The following SAMD11 variants were observed in gnomAD, a reference collection of about 807,000 sequenced individuals.
SAMD11 encodes the protein sterile alpha motif domain containing 11, also known as sterile alpha motif domain-containing protein 11.
A neutral mutation model predicts 64.4 loss-of-function variants in SAMD11; 77 were observed. The observed-to-expected ratio is 1.20, with a 90% confidence interval of 0.99 to 1.44. SAMD11 has a LOEUF of 1.44. SAMD11 is among the 40% of genes most tolerant of loss of function. The pLI, the probability that SAMD11 is intolerant of heterozygous loss-of-function variation, is 0.00. For synonymous variants in SAMD11, 658 were observed against 421.9 expected, an observed-to-expected ratio of 1.56 and a Z score of -6.86; for missense variants, 1,402 against 943.3, an observed-to-expected ratio of 1.49 and a Z score of -6.37.
At chr1:943,517 G>A in intron 12 of SAMD11, 140 bp downstream of exon 12, 1 of 910,092 alleles carries the variant, frequency 1.1e-6, no homozygotes. Flanking sequence ...ACTGGACTGT[G>A]CACCCCACCT....
rs1046928287 is a variant in SAMD11, at chr1:941,016, C to T, written c.1196-128C>T. The T allele has an allele frequency of 1.9e-5, 15 of 809,176 alleles. No homozygotes were observed. The Admixed American group carries it at 2.1e-4, about 11-fold the overall frequency. The allele number at this position is 809,176 out of a possible 1,614,324, so 50.1% of individuals were successfully genotyped here. On this transcript the variant is annotated intron_variant, in intron 7 of 13. Transcript: ENST00000616016. The stretch of plus-strand genomic sequence containing the variant: ...CATCCTCCTGCCCCGTGCCCGAGAC[C>T]AGCCCAGGGGCCGAGCACGGCCGAG...
In SAMD11 at chr1:943,069, C is replaced by T. The variant is rs1322070717; in HGVS notation, c.2053+11C>T. ...CCTACTTCCACACAGGTGGGCACCC[C>T]CACACTCTAGATCCTTCCAGAGGGC... is the stretch of plus-strand genomic sequence containing the variant. On this transcript the variant is annotated intron_variant, in intron 11 of 13. Coordinates refer to ENST00000616016, the MANE Select transcript of SAMD11 (RefSeq NM_001385641.1). 1.3e-6 allele frequency: 2 copies of T among 1,537,794 alleles called. No individual in the cohort carries two copies. Among genetic ancestry groups the T allele is most frequent in the South Asian group, 2.5e-5 (2 of 78,838 alleles).
chr1:943,247 A>G lies in SAMD11; in HGVS notation c.2054-6A>G, dbSNP rs1641919129. ...CAGAGCCCTAGTAACACGCCCCACA[A>G]CTCAGGCGCGGTAGGGGGACTCTCC... On this transcript the variant is annotated splice_region_variant and splice_polypyrimidine_tract_variant and intron_variant, in intron 11 of 13. Coordinates refer to ENST00000616016, the MANE Select transcript of SAMD11 (RefSeq NM_001385641.1). The G allele has an allele frequency of 6.2e-7, 1 of 1,612,640 alleles. No homozygotes were observed. The highest frequency in any genetic ancestry group is 8.5e-7 in the Non-Finnish European group (1 of 1,179,780).
At chr1:929,264 G>A (rs563705228) in intron 2 of SAMD11, among the ~76,000 whole-genome samples, 26 of 152,348 alleles carry the variant, frequency 1.7e-4, no homozygotes, top group African/African-American at 5.5e-4. Context: ...CACAGCGGGC[G>A]TGTCTGTGCT....
rs148469698 is a variant in SAMD11, at chr1:939,124, C to G, written c.1052C>G (p.Pro351Arg). 1.3e-6 allele frequency: 2 copies of G among 1,591,290 alleles called. No individual in the cohort carries two copies. Among genetic ancestry groups the G allele is most frequent in the Non-Finnish European group, 1.7e-6 (2 of 1,168,760 alleles). ...FSEKRARSES[P>R]QEALLLPREL... The stretch of plus-strand genomic sequence containing the variant: ...GAGAAGAGGGCACGAAGCGAATCGC[C>G]TCAAGGTAAGAGCGTGGCTGGGACG... Residue 351 changes from proline (P) to arginine (R), a missense_variant, in exon 6 of 14, where the codon CCT (proline) becomes CGT (arginine). By Grantham distance (103) the Pro-to-Arg change is moderately radical. Coordinates refer to ENST00000616016, the MANE Select transcript of SAMD11 (RefSeq NM_001385641.1).
chr1:938,880 C>T lies in SAMD11; in HGVS notation c.968-160C>T, dbSNP rs527838939. On this transcript the variant is annotated intron_variant, in intron 5 of 13. Transcript: ENST00000616016. ...CCACAGCCAGGCGTGATGTCCTCTG[C>T]GCTGAAGGCTGGGGCTGCCAGGGCT... Among the ~76,000 whole-genome samples the T allele has an allele frequency of 1.7e-3, 263 of 152,250 alleles. 2 individuals are homozygous for T. Among genetic ancestry groups the T allele is most frequent in the Middle Eastern group, 0.01 (3 of 294 alleles).
intron 4 of SAMD11, 33 bp downstream of exon 4, chr1:931,122 G>T (rs74359211): frequency 4.4e-6 from 7 of 1,600,356 alleles, no homozygotes; most frequent in Non-Finnish European, 5.1e-6. Flanking sequence ...ATAAGAGGGG[G>T]CCGTGACTCC....
At chr1:937,672 G>A (rs1408573701) in intron 5 of SAMD11, among the ~76,000 whole-genome samples, 2 of 152,182 alleles carry the variant, frequency 1.3e-5, no homozygotes, top group Admixed American at 6.5e-5. Flanking sequence ...GAGCAGTGGT[G>A]CCTGGATCCG....
chr1:943,354 T>C lies in SAMD11; in HGVS notation c.2155T>C (p.Ser719Pro). 1 of 1,588,148 alleles carries C rather than the reference T, an allele frequency of 6.3e-7. No individual in the cohort carries two copies. The highest frequency in any genetic ancestry group is 1.3e-5 in the African/African-American group (1 of 74,210). Reference sequence around the variant, plus strand: ...CGTCTGCAGCTTCGTGGGGGGCCTGTCTGGCTGTGGAGAGTACACTCGGGT... The same window carrying C: ...CGTCTGCAGCTTCGTGGGGGGCCTGCCTGGCTGTGGAGAGTACACTCGGGT... ...DDVCSFVGGL[S>P]GCGEYTRVFR... The change falls in exon 12 of 14, where the codon TCT becomes CCT. Residue 719 changes from serine to proline, a missense_variant. Ser to Pro is a moderately conservative substitution (Grantham distance 74, BLOSUM62 -1). Transcript: ENST00000616016.
rs762403827 is a variant in SAMD11, at chr1:943,009, C to T, written c.2004C>T (p.Ser668=). 5.2e-6 allele frequency: 8 copies of T among 1,538,000 alleles called. No individual in the cohort carries two copies. The African/African-American group carries it at 8.4e-5, about 16-fold the overall frequency. The stretch of plus-strand genomic sequence containing the variant: ...AGGGGAAGGGGCTTTTCCCAGGGTC[C>T]ACACTGCCCCTGGGCTTCCCTTATG... The part of the protein sequence containing the change: ...GAEGKGLFPG[S]TLPLGFPYAV... The change falls in exon 11 of 14, where the codon TCC becomes TCT. Residue 668 remains serine (S), a synonymous_variant. Transcript: ENST00000616016.
intron 10 of SAMD11, 29 bp from the exon 11 acceptor site, chr1:942,530 C>A: frequency 7.1e-7 from 1 of 1,416,244 alleles, no homozygotes; most frequent in Non-Finnish European, 9.1e-7. Flanking sequence ...GCCCGGGAGG[C>A]GGCTGACCCG....
chr1:933,411 C>T (rs13303003), intron 4 of SAMD11, among the ~76,000 whole-genome samples: 135,725 of 152,172 alleles, frequency 0.89, 61,899 homozygotes, highest in East Asian at 1. Context: ...ACTGCCCAGC[C>T]ACAGCCCCTC....
At chr1:924,981 C>G (rs1179952815) in intron 1 of SAMD11, 33 bp downstream of exon 1, 2 of 152,206 alleles carry the variant, frequency 1.3e-5, no homozygotes, top group South Asian at 2.1e-4. Context: ...TGCCGGGACC[C>G]GCGGGCCCCG....
At chr1:925,727 A>AGT in intron 1 of SAMD11, 195 bp from the exon 2 acceptor site, 1 of 543,396 alleles carries the variant, frequency 1.8e-6, no homozygotes, top group Non-Finnish European at 3.3e-6. Flanking sequence ...CCCGGGCTGG[A>AGT]GTTGCAGAGC....
chr1:933,237 C>T (rs1040918588), intron 4 of SAMD11, among the ~76,000 whole-genome samples: 2 of 152,214 alleles, frequency 1.3e-5, no homozygotes, highest in Non-Finnish European at 2.9e-5. Flanking sequence ...GGGCGTGTTT[C>T]TTTACATAAA....
chr1:938,657 C>G (rs1282671252), intron 5 of SAMD11, among the ~76,000 whole-genome samples: 1 of 152,010 alleles, frequency 6.6e-6, no homozygotes, highest in African/African-American at 2.4e-5. Context: ...ACAGCCCGCC[C>G]TCACTCCTGT....
intron 4 of SAMD11, among the ~76,000 whole-genome samples, chr1:933,406 C>T (rs1045651904): frequency 1.3e-5 from 2 of 152,144 alleles, no homozygotes; most frequent in Non-Finnish European, 2.9e-5. Context: ...GTGCCACTGC[C>T]CAGCCACAGC....
rs193263256 is a variant in SAMD11, at chr1:929,241, G to A, written c.610-914G>A. ...GTGCGTCAGCTCGGGGCTCGGCTGT[G>A]CTCTGCAGGGACCACAGCGGGCGTG... On this transcript the variant is annotated intron_variant, in intron 2 of 13. Coordinates refer to ENST00000616016, the MANE Select transcript of SAMD11 (RefSeq NM_001385641.1). Among the ~76,000 whole-genome samples the A allele has an allele frequency of 5.9e-5, 9 of 152,362 alleles. No homozygotes were observed. The East Asian group carries it at 1.7e-3, about 29-fold the overall frequency.
At position 943,911 on chromosome 1, in the gene SAMD11, G is replaced by A; in HGVS notation, c.2293G>A (p.Ala765Thr). The part of the protein sequence containing the change: ...GPALKIRAQV[A>T]RRLGRVFYVA... ...CCACCAGGCCATCTCTCTGCAGGTG[G>A]CCAGGCGCCTGGGCCGAGTTTTCTA... Residue 765 changes from alanine (A) to threonine (T), a missense_variant, in exon 14 of 14, where the codon GCC (alanine) becomes ACC (threonine). Coordinates refer to ENST00000616016, the MANE Select transcript of SAMD11 (RefSeq NM_001385641.1). The A allele has an allele frequency of 1.2e-6, 2 of 1,612,778 alleles. No individual in the cohort carries two copies. The highest frequency in any genetic ancestry group is 1.7e-6 in the Non-Finnish European group (2 of 1,179,832).
Sources: allele counts gnomAD v4.1 joint callset (sites outside exome capture counted in the v4.1 genomes callset), GRCh38; gene constraint gnomAD v4.1.1; transcripts MANE v1.5; gene names NCBI Gene and HGNC (gene_info 2026-07-23, HGNC 2026-07-21).